The following KIAA1328 variants were observed in gnomAD, a reference collection of about 807,000 sequenced individuals.
The protein encoded by KIAA1328 is protein hinderin.
A neutral mutation model predicts 68.1 loss-of-function variants in KIAA1328; 52 were observed. The ratio of observed to expected loss-of-function variants is 0.76; its 90% confidence interval spans 0.61 to 0.96. KIAA1328 has a LOEUF of 0.96. Among genes scored for constraint, KIAA1328 ranks in the 40% least tolerant of loss-of-function variants. The pLI is 0.00. For missense variants in KIAA1328, 641 were observed against 677.6 expected (o/e 0.95, Z 0.60); for synonymous variants, 232 against 239.4 (o/e 0.97, Z 0.28).
intron 5 of KIAA1328, chr18:36,946,389 C>T (rs1346324032): frequency 6.6e-6 from 1 of 152,140 alleles, no homozygotes; most frequent in Admixed American, 6.5e-5. Context: ...AAAGAGGGTT[C>T]TTAGAGATGA....
intron 6 of KIAA1328, among the ~76,000 whole-genome samples, chr18:37,024,954 C>G (rs967004909): frequency 6.6e-6 from 1 of 152,292 alleles, no homozygotes; most frequent in Admixed American, 6.5e-5. Context: ...AATTGCCACA[C>G]TGTCTTCCAC....
At chr18:36,879,874 C>T (rs1252485837) in intron 4 of KIAA1328, among the ~76,000 whole-genome samples, 1 of 152,162 alleles carries the variant, frequency 6.6e-6, no homozygotes, top group Non-Finnish European at 1.5e-5. Flanking sequence ...GTGGATGCCC[C>T]TTCCCTCACC....
chr18:37,021,976 C>T (rs2054364415), intron 6 of KIAA1328, among the ~76,000 whole-genome samples: 1 of 152,074 alleles, frequency 6.6e-6, no homozygotes, highest in South Asian at 2.1e-4. Flanking sequence ...GGAGACAGAG[C>T]TTGCAGTGAG....
intron 5 of KIAA1328, among the ~76,000 whole-genome samples, chr18:36,949,253 T>G (rs531407989): frequency 1.3e-5 from 2 of 152,186 alleles, no homozygotes; most frequent in Non-Finnish European, 2.9e-5. Flanking sequence ...AAAAAATAAA[T>G]TTTTAAGCAA....
At chr18:37,151,694 C>T (rs1179104391) in intron 7 of KIAA1328, among the ~76,000 whole-genome samples, 1 of 152,098 alleles carries the variant, frequency 6.6e-6, no homozygotes, top group African/African-American at 2.4e-5. Context: ...GCTTTTTAAA[C>T]AAGTAATGCT....
At chr18:37,000,769 A>G (rs1239347413) in intron 6 of KIAA1328, among the ~76,000 whole-genome samples, 2 of 152,170 alleles carry the variant, frequency 1.3e-5, no homozygotes, top group Non-Finnish European at 2.9e-5. Flanking sequence ...CGTGGAAATT[A>G]AACAATATGC....
At chr18:36,921,406 T>G (rs1360366661) in intron 5 of KIAA1328, among the ~76,000 whole-genome samples, 1 of 152,106 alleles carries the variant, frequency 6.6e-6, no homozygotes, top group Non-Finnish European at 1.5e-5. Flanking sequence ...TACTTATTAT[T>G]TGTTTGTTTG....
At chr18:37,211,973 G>A (rs1398586461) in intron 9 of KIAA1328, among the ~76,000 whole-genome samples, 1 of 152,160 alleles carries the variant, frequency 6.6e-6, no homozygotes. Context: ...TTCTCACTCA[G>A]AGTATCCCCC....
At chr18:36,923,285 G>T (rs1196808826) in intron 5 of KIAA1328, among the ~76,000 whole-genome samples, 1 of 152,008 alleles carries the variant, frequency 6.6e-6, no homozygotes, top group Non-Finnish European at 1.5e-5. Context: ...GAAACCAGAA[G>T]TTTACAGGAT....
At chr18:37,096,375 G>C (rs1215038993) in intron 7 of KIAA1328, among the ~76,000 whole-genome samples, 5 of 152,106 alleles carry the variant, frequency 3.3e-5, no homozygotes. Context: ...ATGGTTTCCA[G>C]CTTCATCCAT....
chr18:37,219,038 T>G (rs1410975968), intron 9 of KIAA1328, among the ~76,000 whole-genome samples: 4 of 152,246 alleles, frequency 2.6e-5, no homozygotes, highest in Admixed American at 2.6e-4. Context: ...TATTCCTTTC[T>G]GTTTGTTAGT....
In KIAA1328 at chr18:36,920,437, C is replaced by T. The variant is rs78650383; in HGVS notation, c.448+34765C>T. On this transcript the variant is annotated intron_variant, in intron 5 of 9. Transcript: ENST00000280020. ...CTTTTTTTTTGTGCCAGTACTGTGC[C>T]ATTTTGGTTACTATAGCCTTGTAGT... Among the ~76,000 whole-genome samples the T allele has an allele frequency of 6.5e-3, 994 of 152,100 alleles. 13 individuals carry two copies. The highest frequency in any genetic ancestry group is 0.022 in the African/African-American group (920 of 41,490).
chr18:36,884,491 C>T (rs984703120), intron 4 of KIAA1328, among the ~76,000 whole-genome samples: 2 of 152,122 alleles, frequency 1.3e-5, no homozygotes, highest in Non-Finnish European at 2.9e-5. Context: ...AACTCTTGAA[C>T]ATTCATGATT....
chr18:37,105,916 CAAAAAAAAAAAAAAAA>C (rs58940699), intron 7 of KIAA1328, among the ~76,000 whole-genome samples: 1 of 19,502 alleles, frequency 5.1e-5, no homozygotes, highest in Non-Finnish European at 1.4e-4. Flanking sequence ...GACTCTGTGT[CAAAAAAAAAAAAAAAA>C]AAAAAAAAAA....
intron 9 of KIAA1328, among the ~76,000 whole-genome samples, chr18:37,216,289 A>T (rs1397957331): frequency 6.6e-6 from 1 of 152,146 alleles, no homozygotes; most frequent in Admixed American, 6.5e-5. Context: ...AGTTAGTGCT[A>T]TAAATTTCCC....
rs559934491 is a variant in KIAA1328, at chr18:36,939,225, A to G, written c.449-20083A>G. 7.9e-5 allele frequency among the ~76,000 whole-genome samples: 12 copies of G among 152,304 alleles called. 1 individual carries two copies. The South Asian group carries it at 2.3e-3, about 29-fold the overall frequency. On this transcript the variant is annotated intron_variant, in intron 5 of 9. Transcript: ENST00000280020. The stretch of plus-strand genomic sequence containing the variant: ...ACAATATTAATTCTAATCCATGAAC[A>G]TGGGATACCTTTCCACTTATTTGTG...
intron 7 of KIAA1328, among the ~76,000 whole-genome samples, chr18:37,120,995 A>T (rs1192205886): frequency 1.3e-5 from 2 of 152,154 alleles, no homozygotes; most frequent in African/African-American, 4.8e-5. Flanking sequence ...TGACAGCTTA[A>T]AGAGAGGAAA....
chr18:37,061,584 G>A (rs761802651), intron 6 of KIAA1328, among the ~76,000 whole-genome samples: 3 of 152,146 alleles, frequency 2.0e-5, no homozygotes, highest in Non-Finnish European at 2.9e-5. Context: ...TTGGGAGTTC[G>A]TGTTGGTTTA....
intron 5 of KIAA1328, among the ~76,000 whole-genome samples, chr18:36,922,060 CTT>C (rs879414277): frequency 3.4e-5 from 5 of 145,852 alleles, no homozygotes; most frequent in Admixed American, 1.4e-4. Flanking sequence ...CCAGAGAATA[CTT>C]TTTTTTTTTT....
Sources: allele counts gnomAD v4.1 joint callset (sites outside exome capture counted in the v4.1 genomes callset), GRCh38; gene constraint gnomAD v4.1.1; transcripts MANE v1.5; gene names NCBI Gene and HGNC (gene_info 2026-07-23, HGNC 2026-07-21).